Variants in YWHAZ observed in about 807,000 individuals in gnomAD.
YWHAZ encodes the protein tyrosine 3-monooxygenase/tryptophan 5-monooxygenase activation protein zeta, also known as 14-3-3 protein zeta/delta.
For missense variants in YWHAZ, 79 were observed against 284.8 expected, an observed-to-expected ratio of 0.28 and a Z score of 5.20; for synonymous variants, 87 against 103.6, an observed-to-expected ratio of 0.84 and a Z score of 0.97.
intron 5 of YWHAZ, 81 bp from the exon 6 acceptor site, chr8:100,920,833 C>G (rs1365597474): frequency 9.5e-7 from 1 of 1,057,322 alleles, no homozygotes; most frequent in East Asian, 2.6e-5. Context: ...TGCCAAGATA[C>G]CTGAATGTTT....
chr8:100,936,679 T>TA (rs2130247168), intron 2 of YWHAZ, among the ~76,000 whole-genome samples: 1 of 152,184 alleles, frequency 6.6e-6, no homozygotes, highest in African/African-American at 2.4e-5. Context: ...CGGGTGCCTG[T>TA]AATTCCAGCT....
rs1351272464 is a variant in YWHAZ at position 100,918,406 on chromosome 8, CTT to C, written c.*2285_*2286del. 5.1e-5 allele frequency: 1 copy of C among 19,618 alleles called. No individual in the cohort carries two copies. Among genetic ancestry groups the C allele is most frequent in the African/African-American group, 1.3e-4 (1 of 7,578 alleles). 1.2% of individuals were successfully genotyped at this position (19,618 alleles called of 1,614,324 possible). A position where few individuals can be genotyped will look rare whatever the true frequency, so the allele number is the denominator to read the frequency against. On this transcript the variant is annotated 3_prime_UTR_variant, in exon 6 of 6. Transcript: ENST00000395958. ...TCAGTCTAGCTATAAAATATAATTA[CTT>C]TATATATATATATATATATATATAT... is the stretch of plus-strand genomic sequence containing the variant.
chr8:100,946,339 C>A (rs953263641), intron 2 of YWHAZ, among the ~76,000 whole-genome samples: 3 of 152,166 alleles, frequency 2.0e-5, no homozygotes, highest in Non-Finnish European at 4.4e-5. Flanking sequence ...AAGAGTTAGA[C>A]GTGACCTGGT....
At chr8:100,943,871 C>T (rs569415360) in intron 2 of YWHAZ, among the ~76,000 whole-genome samples, 3 of 151,720 alleles carry the variant, frequency 2.0e-5, no homozygotes, top group Admixed American at 2.0e-4. Context: ...CCTGTAGTCC[C>T]AGCTACTCGG....
rs2130122290 is a variant in YWHAZ, at chr8:100,924,881, T to C, written c.418+35A>G. On this transcript the variant is annotated intron_variant, in intron 3 of 5. Transcript: ENST00000395958. The surrounding 1 kb of genome is among the most constrained non-coding windows in gnomAD (Gnocchi z 5.7). ...GACTCTTCCTCACTATGTTATCTTATACAAGTTCAACCAACAGGTTTAAAA... is the reference window on the plus strand; with the variant it reads ...GACTCTTCCTCACTATGTTATCTTACACAAGTTCAACCAACAGGTTTAAAA... 9 of 1,610,764 alleles carry C rather than the reference T, an allele frequency of 5.6e-6. No individual in the cohort carries two copies. The highest frequency in any genetic ancestry group is 2.2e-5 in the East Asian group (1 of 44,844).
Position 100,916,754 on chromosome 8 carries a change from A to T in YWHAZ, c.*3939T>A, listed in dbSNP as rs1481631096. On this transcript the variant is annotated 3_prime_UTR_variant, in exon 6 of 6. Coordinates refer to ENST00000395958, the MANE Select transcript of YWHAZ (RefSeq NM_145690.3). ...TTGTAACTGCTTCTGCATCCCAGAGACATATATGCCTGCTTGTCTGGCAAG... is the reference window on the plus strand; with the variant it reads ...TTGTAACTGCTTCTGCATCCCAGAGTCATATATGCCTGCTTGTCTGGCAAG... 1 of 152,172 alleles carries T rather than the reference A, an allele frequency of 6.6e-6. No individual in the cohort carries two copies. Among genetic ancestry groups the T allele is most frequent in the Non-Finnish European group, 1.5e-5 (1 of 68,026 alleles). 9.4% of individuals were successfully genotyped at this position (152,172 alleles called of 1,614,324 possible).
chr8:100,925,418 A>G (rs1183696498), intron 2 of YWHAZ, among the ~76,000 whole-genome samples: 1 of 152,218 alleles, frequency 6.6e-6, no homozygotes, highest in African/African-American at 2.4e-5. Context: ...ATGAAAATAG[A>G]AAGAACATAC....
At chr8:100,950,496 C>A in intron 1 of YWHAZ, 4 of 985,546 alleles carry the variant, frequency 4.1e-6, no homozygotes, top group Non-Finnish European at 4.8e-6. Flanking sequence ...GCAACCACCC[C>A]CCTCCAGGCT....
At chr8:100,921,278 C>G (rs1813007519) in intron 5 of YWHAZ, among the ~76,000 whole-genome samples, 1 of 152,146 alleles carries the variant, frequency 6.6e-6, no homozygotes, top group Non-Finnish European at 1.5e-5. Flanking sequence ...ATCCACCCAC[C>G]TCGGCCTCCC....
Position 100,924,419 on chromosome 8 carries a change from G to A in YWHAZ, c.419-121C>T, listed in dbSNP as rs1031859834. On this transcript the variant is annotated intron_variant, in intron 3 of 5. Transcript: ENST00000395958. This position sits in a 1 kb window ranked among gnomAD's most constrained non-coding sequence, Gnocchi z 5.7. ...ACTAACCTGTAACAGCTTAATATTT[G>A]TTAATTGAACAAGGTCCTTTTTTTT... 6.1e-6 allele frequency: 6 copies of A among 981,538 alleles called. No individual in the cohort carries two copies. Among genetic ancestry groups the A allele is most frequent in the Non-Finnish European group, 8.6e-6 (6 of 696,340 alleles). 60.8% of individuals were successfully genotyped at this position (981,538 alleles called of 1,614,324 possible).
chr8:100,921,820 T>TG (rs1301920165), intron 5 of YWHAZ, among the ~76,000 whole-genome samples: 1 of 152,238 alleles, frequency 6.6e-6, no homozygotes, highest in Non-Finnish European at 1.5e-5. Flanking sequence ...TTAAAAATGT[T>TG]GAAGTCTTAA....
chr8:100,930,175 T>TGCAACCTCAGCCTCCCC (rs1453517123), intron 2 of YWHAZ, among the ~76,000 whole-genome samples: 1 of 152,370 alleles, frequency 6.6e-6, no homozygotes, highest in East Asian at 1.9e-4. Flanking sequence ...CTTGGCTCAC[T>TGCAACCTCAGCCTCCCC]GCAACCTCAG....
At position 100,918,408 on chromosome 8, in the gene YWHAZ, T is replaced by TTATTTA. The variant is rs1554611373; in HGVS notation, c.*2284_*2285insTAAATA. On this transcript the variant is annotated 3_prime_UTR_variant, in exon 6 of 6. Transcript: ENST00000395958. ...AGTCTAGCTATAAAATATAATTACTTTATATATATATATATATATATATAT... is the reference window on the plus strand; with the variant it reads ...AGTCTAGCTATAAAATATAATTACTTTATTTATATATATATATATATATATATATAT... 1 of 41,882 alleles carries TTATTTA rather than the reference T, an allele frequency of 2.4e-5. No individual in the cohort carries two copies. Among genetic ancestry groups the TTATTTA allele is most frequent in the African/African-American group, 7.1e-5 (1 of 14,100 alleles). The allele number at this position is 41,882 out of a possible 1,614,324, so 2.6% of individuals were successfully genotyped here.
At chr8:100,952,074 C>T (rs1033375997), upstream of YWHAZ, 7 of 987,516 alleles carry the variant, frequency 7.1e-6, no homozygotes, top group Non-Finnish European at 8.4e-6. Context: ...GGGGTTTCCT[C>T]CAATCACCAG....
At chr8:100,943,708 C>T (rs532949531) in intron 2 of YWHAZ, among the ~76,000 whole-genome samples, 5 of 152,124 alleles carry the variant, frequency 3.3e-5, no homozygotes, top group South Asian at 4.2e-4. Flanking sequence ...CTGTCCAGGC[C>T]GGGCGCGGTG....
In YWHAZ at chr8:100,922,321, C is replaced by T. The variant is rs774907784; in HGVS notation, c.679-1569G>A. On this transcript the variant is annotated intron_variant, in intron 5 of 5. Coordinates refer to ENST00000395958, the MANE Select transcript of YWHAZ (RefSeq NM_145690.3). The surrounding 1 kb of genome is among the most constrained non-coding windows in gnomAD (Gnocchi z 4.1). ...CAACCTATAATGGTGACAGCTGACA[C>T]TAATAAGGCTCAGAGAAGACATACA... 1.3e-5 allele frequency: 2 copies of T among 151,898 alleles called. No homozygotes were observed. The highest frequency in any genetic ancestry group is 2.9e-5 in the Non-Finnish European group (2 of 68,012). 9.4% of individuals were successfully genotyped at this position (151,898 alleles called of 1,614,324 possible).
At chr8:100,926,083 TATATATA>T (rs1174019233) in intron 2 of YWHAZ, among the ~76,000 whole-genome samples, 1 of 152,166 alleles carries the variant, frequency 6.6e-6, no homozygotes, top group African/African-American at 2.4e-5. Flanking sequence ...AGCACCTACT[TATATATA>T]AAATATAAAT....
At chr8:100,939,547 T>C (rs760197772) in intron 2 of YWHAZ, among the ~76,000 whole-genome samples, 23 of 151,602 alleles carry the variant, frequency 1.5e-4, no homozygotes, top group Non-Finnish European at 2.8e-4. Context: ...TAATCCCAGC[T>C]ACTCAGGAGG....
At chr8:100,928,205 G>A (rs920514127) in intron 2 of YWHAZ, among the ~76,000 whole-genome samples, 2 of 152,016 alleles carry the variant, frequency 1.3e-5, no homozygotes, top group African/African-American at 2.4e-5. Flanking sequence ...GTGTGAACCC[G>A]GGAGGCGGAG....
Sources: gnomAD v4.1 joint callset for allele counts (sites outside exome capture counted in the v4.1 genomes callset) on GRCh38, gnomAD v4.1.1 for gene constraint, Gnocchi (gnomAD v3.1) non-coding constraint, MANE v1.5 for transcripts, NCBI Gene and HGNC (gene_info 2026-07-23, HGNC 2026-07-21) for gene names.